SLC29A2: variants seen among roughly 807,000 people sequenced by gnomAD.
SLC29A2 encodes solute carrier family 29 member 2.
A neutral mutation model predicts 48.8 loss-of-function variants in SLC29A2; 37 were observed. That is an observed-to-expected ratio of 0.76 (90% confidence interval 0.58 to 1.00). SLC29A2 has a LOEUF of 1.00. SLC29A2 is among the 50% of genes least tolerant of loss of function. The probability of loss-of-function intolerance (pLI) is 0.00; values close to 1 mark genes in which losing one functional copy is unlikely to be tolerated. For missense variants in SLC29A2, 533 were observed against 578.6 expected (o/e 0.92, Z 0.81); for synonymous variants, 233 against 261.7 (o/e 0.89, Z 1.06).
At chr11:66,369,577 C>T (rs1246893316) in intron 2 of SLC29A2, 45 bp from the exon 3 acceptor site, 2 of 1,606,844 alleles carry the variant, frequency 1.2e-6, no homozygotes, top group Non-Finnish European at 1.7e-6. Context: ...TCTCAGCCTT[C>T]CCCCGCTGCC....
At chr11:66,369,585 G>T in intron 2 of SLC29A2, 53 bp from the exon 3 acceptor site, 1 of 1,597,280 alleles carries the variant, frequency 6.3e-7, no homozygotes, top group South Asian at 1.1e-5. Flanking sequence ...TTCCCCCGCT[G>T]CCTTCCCCCT....
upstream of SLC29A2, chr11:66,371,876 C>T (rs886647546): frequency 9.8e-6 from 5 of 510,060 alleles, no homozygotes; most frequent in African/African-American, 8.2e-5. Context: ...GGCCCCGCCC[C>T]ACCTAGGGGC....
intron 10 of SLC29A2, 150 bp from the exon 11 acceptor site, chr11:66,364,574 A>C: frequency 3.3e-6 from 2 of 609,236 alleles, no homozygotes; most frequent in Non-Finnish European, 5.7e-6. Context: ...CCCTGATCTC[A>C]GCTCACTGCA....
At chr11:66,371,950 C>A, upstream of SLC29A2, 1 of 351,048 alleles carries the variant, frequency 2.8e-6, no homozygotes, top group Non-Finnish European at 5.2e-6. Context: ...TCCGCGGGGG[C>A]GGGTCCCGGA....
intron 5 of SLC29A2, 79 bp from the exon 6 acceptor site, chr11:66,367,948 TC>T (rs1335390124): frequency 9.1e-7 from 1 of 1,102,536 alleles, no homozygotes; most frequent in Non-Finnish European, 1.4e-6. Flanking sequence ...TTGTCCCACT[TC>T]CCATTGTGTA....
In SLC29A2 at chr11:66,371,272, G is replaced by C; in HGVS notation, c.83C>G (p.Pro28Arg). The C allele has an allele frequency of 6.2e-7, 1 of 1,613,926 alleles. No homozygotes were observed. Among genetic ancestry groups the C allele is most frequent in the Non-Finnish European group, 8.5e-7 (1 of 1,180,024 alleles). ...GATGGCGGTGATGAAGAAGTTCCAG[G>C]GAAGGAGGGTGCCCAGCCCCAGGAT... is the stretch of plus-strand genomic sequence containing the variant. Reference protein sequence around the residue: ...FFILGLGTLLPWNFFITAIPY... With the variant: ...FFILGLGTLLRWNFFITAIPY... Residue 28 changes from proline to arginine, a missense_variant, in exon 2 of 12, where the codon CCC (proline) becomes CGC (arginine). Coordinates refer to ENST00000357440, the MANE Select transcript of SLC29A2 (RefSeq NM_001532.3).
In SLC29A2 at chr11:66,366,019, G is replaced by T; in HGVS notation, c.976C>A (p.Gln326Lys). Residue 326 changes from glutamine (Q) to lysine (K), a missense_variant and splice_region_variant, in exon 10 of 12, where the codon CAG (glutamine) becomes AAG (lysine). Coordinates refer to ENST00000357440, the MANE Select transcript of SLC29A2 (RefSeq NM_001532.3). ...AAGCAGCAGATGGGGTTGAAGAACT[G>T]ACCTGGGAGGGAAACGGCTGCAGCT... ...TSSTSPGKWS[Q>K]FFNPICCFLL... 1 of 1,614,082 alleles carries T rather than the reference G, an allele frequency of 6.2e-7. No homozygotes were observed. Among genetic ancestry groups the T allele is most frequent in the South Asian group, 1.1e-5 (1 of 91,054 alleles).
chr11:66,371,858 C>T (rs995519062), upstream of SLC29A2: 1 of 539,276 alleles, frequency 1.9e-6, no homozygotes, highest in Non-Finnish European at 3.3e-6. Context: ...GGACTCGACT[C>T]TGGCTCGGGC....
rs988523033 is a variant in SLC29A2 at position 66,371,027 on chromosome 11, G to A, written c.111+217C>T. Among the ~76,000 whole-genome samples, 6 of 152,254 alleles carry A rather than the reference G, an allele frequency of 3.9e-5. No homozygotes were observed. In the South Asian group the frequency reaches 6.2e-4, roughly 16 times the overall value. On this transcript the variant is annotated intron_variant, in intron 2 of 11. Transcript: ENST00000357440. ...GCCTTTGCTCATTCCAGACCCTGTGGGCTGGTGGCCTTGCCCCTCTGAGAT... is the reference window on the plus strand; with the variant it reads ...GCCTTTGCTCATTCCAGACCCTGTGAGCTGGTGGCCTTGCCCCTCTGAGAT...
Position 66,369,424 on chromosome 11 carries a change from G to A in SLC29A2, c.220C>T (p.Leu74=), listed in dbSNP as rs1314455114. Residue 74 remains leucine (L), a synonymous_variant, in exon 3 of 12, where the codon CTG becomes TTG. Transcript: ENST00000357440. ...AFNFNNWVTL[L]SQLPLLLFTL... is the part of the protein sequence containing the mutation. Reference sequence around the variant, plus strand: ...AAGAGCAGCAGGGGCAGCTGGGACAGCAGCGTCACCCAATTGTTGAAGTTG... The same window carrying A: ...AAGAGCAGCAGGGGCAGCTGGGACAACAGCGTCACCCAATTGTTGAAGTTG... The A allele has an allele frequency of 1.2e-6, 2 of 1,614,108 alleles. No homozygotes were observed. Among genetic ancestry groups the A allele is most frequent in the East Asian group, 4.5e-5 (2 of 44,882 alleles).
At chr11:66,367,336 G>T (rs1855757419) in intron 7 of SLC29A2, 128 bp downstream of exon 7, 1 of 811,534 alleles carries the variant, frequency 1.2e-6, no homozygotes, top group South Asian at 1.4e-5. Context: ...TTCCCTTCAT[G>T]ATCTTCCTGT....
chr11:66,365,127 G>A (rs570211511), intron 10 of SLC29A2, among the ~76,000 whole-genome samples: 40 of 151,740 alleles, frequency 2.6e-4, no homozygotes, highest in African/African-American at 9.7e-4. Flanking sequence ...GGCTGGTCTC[G>A]AACTCCTGAC....
chr11:66,363,075 C>T lies in SLC29A2; in HGVS notation c.*361G>A. 2 of 328,014 alleles carry T rather than the reference C, an allele frequency of 6.1e-6. No homozygotes were observed. The highest frequency in any genetic ancestry group is 6.0e-6 in the Non-Finnish European group (1 of 168,040). The allele number at this position is 328,014 out of a possible 1,614,324, so 20.3% of individuals were successfully genotyped here. A position where few individuals can be genotyped will look rare whatever the true frequency, so the allele number is the denominator to read the frequency against. ...TGAGGCGCTCCTGGCCTGGGCTGGC[C>T]CCGCCTCCCACTCTGAACCCTCTGG... is the stretch of plus-strand genomic sequence containing the variant. On this transcript the variant is annotated 3_prime_UTR_variant, in exon 12 of 12. Transcript: ENST00000357440.
At position 66,366,581 on chromosome 11, in the gene SLC29A2, C is replaced by T. The variant is rs185518874; in HGVS notation, c.734-17G>A. On this transcript the variant is annotated splice_polypyrimidine_tract_variant and intron_variant, in intron 7 of 11. Transcript: ENST00000357440. ...CGTTCTCATCTGGGGTGAGGGGGGA[C>T]GGGGAAGGGTCATGCTTGTGACCCA... is the stretch of plus-strand genomic sequence containing the variant. The T allele has an allele frequency of 1.6e-5, 25 of 1,612,422 alleles. No homozygotes were observed. The highest frequency in any genetic ancestry group is 3.8e-4 in the Middle Eastern group (2 of 5,214).
Position 66,371,754 on chromosome 11 carries a change from G to T in SLC29A2, c.-163C>A. The stretch of plus-strand genomic sequence containing the variant: ...CAGGTAGCCTCGGGCGGATTTCGGC[G>T]TGTCTCGCGCTCCGCAGGCTGGGAC... On this transcript the variant is annotated 5_prime_UTR_variant, in exon 1 of 12. Coordinates refer to ENST00000357440, the MANE Select transcript of SLC29A2 (RefSeq NM_001532.3). The T allele has an allele frequency of 3.0e-6, 2 of 666,428 alleles. No individual in the cohort carries two copies. The highest frequency in any genetic ancestry group is 5.0e-6 in the Non-Finnish European group (2 of 399,224). The allele number at this position is 666,428 out of a possible 1,614,324, so 41.3% of individuals were successfully genotyped here. A position where few individuals can be genotyped will look rare whatever the true frequency, so the allele number is the denominator to read the frequency against.
At position 66,366,245 on chromosome 11, in the gene SLC29A2, G is replaced by C; in HGVS notation, c.868-14C>G. The stretch of plus-strand genomic sequence containing the variant: ...TGTCAGCCAGATCTGGGAGCCAGAG[G>C]CAGGGGTGTGAGCAGGCAGGGCAGT... On this transcript the variant is annotated splice_polypyrimidine_tract_variant and intron_variant, in intron 8 of 11. Transcript: ENST00000357440. 2 of 1,611,452 alleles carry C rather than the reference G, an allele frequency of 1.2e-6. No individual in the cohort carries two copies. The highest frequency in any genetic ancestry group is 1.7e-6 in the Non-Finnish European group (2 of 1,177,630).
chr11:66,371,517 G>C (rs1856040420), intron 1 of SLC29A2, 46 bp downstream of exon 1: 1 of 1,547,658 alleles, frequency 6.5e-7, no homozygotes. Context: ...CAGGGAGCGG[G>C]TCTGCAACGC....
chr11:66,371,593 G>T lies in SLC29A2; in HGVS notation c.-2C>A. ...CCGCGGGGCGTCTCCTCGCGCCATG[G>T]CCGCCGCGGCGGATGCGCCTGGGGT... On this transcript the variant is annotated 5_prime_UTR_variant, in exon 1 of 12. Coordinates refer to ENST00000357440, the MANE Select transcript of SLC29A2 (RefSeq NM_001532.3). 3 of 1,548,812 alleles carry T rather than the reference G, an allele frequency of 1.9e-6. No homozygotes were observed. Among genetic ancestry groups the T allele is most frequent in the Non-Finnish European group, 2.6e-6 (3 of 1,150,000 alleles).
At chr11:66,364,192 C>A in intron 11 of SLC29A2, 33 bp downstream of exon 11, 6 of 1,512,938 alleles carry the variant, frequency 4.0e-6, no homozygotes, top group Non-Finnish European at 5.4e-6. Context: ...CCTCCCTACT[C>A]CCAGCCCCCC....
Sources: gnomAD v4.1 joint callset for allele counts (sites outside exome capture counted in the v4.1 genomes callset) on GRCh38, gnomAD v4.1.1 for gene constraint, MANE v1.5 for transcripts, NCBI Gene and HGNC (gene_info 2026-07-23, HGNC 2026-07-21) for gene names.